EPCIP: variants seen among roughly 807,000 people sequenced by gnomAD.
EPCIP encodes exosomal polycystin-1-interacting protein.
the EPCIP span, among the ~76,000 whole-genome samples, chr21:32,808,479 G>T: frequency 3.4e-3 from 513 of 152,286 alleles, 4 homozygotes; most frequent in Non-Finnish European, 3.7e-3. Context: ...TCAAGCTATA[G>T]TTCCGACCAT....
the EPCIP span, among the ~76,000 whole-genome samples, chr21:32,805,761 C>T: frequency 6.6e-6 from 1 of 152,106 alleles, no homozygotes; most frequent in Admixed American, 6.5e-5. Flanking sequence ...CCAAACCAGC[C>T]CTTCTGTATT....
At chr21:32,796,625 C>T in the EPCIP span, among the ~76,000 whole-genome samples, 5 of 152,156 alleles carry the variant, frequency 3.3e-5, no homozygotes, top group South Asian at 4.1e-4. Context: ...CTTTGAGAAA[C>T]GTGGAGAACA....
the EPCIP span, among the ~76,000 whole-genome samples, chr21:32,808,385 G>C: frequency 6.6e-6 from 1 of 151,958 alleles, no homozygotes; most frequent in Non-Finnish European, 1.5e-5. Flanking sequence ...CCACTTAACA[G>C]TCGTGCCCTT....
At chr21:32,807,634 C>T in the EPCIP span, 1 of 152,110 alleles carries the variant, frequency 6.6e-6, no homozygotes, top group African/African-American at 2.4e-5. Context: ...CCCTCTTTTG[C>T]CTTTTACCTC....
chr21:32,813,367 G>A, the EPCIP span, among the ~76,000 whole-genome samples: 1 of 152,180 alleles, frequency 6.6e-6, no homozygotes, highest in Non-Finnish European at 1.5e-5. Flanking sequence ...CAGAATCTCA[G>A]TAAAGAGGAA....
the EPCIP span, among the ~76,000 whole-genome samples, chr21:32,812,596 T>C: frequency 1.2e-4 from 18 of 152,288 alleles, no homozygotes; most frequent in East Asian, 5.8e-4. Flanking sequence ...TCTTTTTTTT[T>C]CCTTCCAAAC....
chr21:32,802,923 T>C, the EPCIP span, among the ~76,000 whole-genome samples: 1 of 152,184 alleles, frequency 6.6e-6, no homozygotes, highest in African/African-American at 2.4e-5. Flanking sequence ...GTCTCATTCT[T>C]AGCATCCCAA....
At chr21:32,798,905 G>A in the EPCIP span, 23 of 152,346 alleles carry the variant, frequency 1.5e-4, no homozygotes, top group African/African-American at 5.5e-4. Context: ...AGAGGTTTCA[G>A]TGAGCTGAAA....
At chr21:32,802,952 G>A in the EPCIP span, among the ~76,000 whole-genome samples, 21 of 152,276 alleles carry the variant, frequency 1.4e-4, no homozygotes, top group South Asian at 2.1e-4. Flanking sequence ...GCCTGGGAAC[G>A]CCACTCCCTG....
chr21:32,793,509 A>G, the EPCIP span: 1 of 563,080 alleles, frequency 1.8e-6, no homozygotes, highest in African/African-American at 1.9e-5. Context: ...GGCTCCCAAG[A>G]CATGTCCCTG....
At chr21:32,794,500 G>C in the EPCIP span, 12 of 1,372,378 alleles carry the variant, frequency 8.7e-6, no homozygotes, top group Non-Finnish European at 1.2e-5. Context: ...AAGAAAAGAG[G>C]CAGCTTTATC....
chr21:32,794,227 G>A, the EPCIP span: 87 of 1,614,130 alleles, frequency 5.4e-5, no homozygotes, highest in African/African-American at 3.1e-4. Context: ...GGGGCAGGAC[G>A]GTTTTACAGT....
the EPCIP span, among the ~76,000 whole-genome samples, chr21:32,796,743 T>A: frequency 6.6e-6 from 1 of 152,282 alleles, no homozygotes; most frequent in South Asian, 2.1e-4. Flanking sequence ...TACAAGATAA[T>A]TTTAGACAAT....
At chr21:32,813,642 C>G in the EPCIP span, 7 of 471,264 alleles carry the variant, frequency 1.5e-5, no homozygotes, top group South Asian at 1.1e-4. Context: ...CAGACCTCTG[C>G]CTGGCCACGG....
the EPCIP span, among the ~76,000 whole-genome samples, chr21:32,809,279 CCTTTCTTTCTTTCTTTCTTTCTTT>C: frequency 0.013 from 1,039 of 80,060 alleles, 17 homozygotes; most frequent in Non-Finnish European, 0.017. Context: ...CTCCCTCCTT[CCTTTCTTTCTTTCTTTCTTTCTTT>C]CTTTCTTTCT....
At chr21:32,809,296 CT>C in the EPCIP span, among the ~76,000 whole-genome samples, 1 of 121,348 alleles carries the variant, frequency 8.2e-6, no homozygotes, top group Non-Finnish European at 1.7e-5. Context: ...TTCTTTCTTT[CT>C]TTCTTTCTTT....
At chr21:32,795,653 G>A in the EPCIP span, among the ~76,000 whole-genome samples, 1 of 152,234 alleles carries the variant, frequency 6.6e-6, no homozygotes, top group East Asian at 1.9e-4. Flanking sequence ...GGGTCAGTCT[G>A]AAGAGCTCAA....
At chr21:32,801,918 T>C in the EPCIP span, among the ~76,000 whole-genome samples, 5 of 152,094 alleles carry the variant, frequency 3.3e-5, no homozygotes, top group Non-Finnish European at 7.4e-5. Context: ...ATGTGCTCTT[T>C]GGGCCAGGCA....
At chr21:32,811,261 G>A in the EPCIP span, among the ~76,000 whole-genome samples, 2,905 of 152,008 alleles carry the variant, frequency 0.019, 91 homozygotes, top group African/African-American at 0.067. Context: ...CTCCCGAGTA[G>A]TTGGCATTAT....
Sources: gnomAD v4.1 joint callset for allele counts (sites outside exome capture counted in the v4.1 genomes callset) on GRCh38, gnomAD v4.1.1 for gene constraint, MANE v1.5 for transcripts, NCBI Gene and HGNC (gene_info 2026-07-23, HGNC 2026-07-21) for gene names.